The following TSBP1 variants were observed in gnomAD, a reference collection of about 807,000 sequenced individuals.
TSBP1 encodes testis-expressed basic protein 1.
TSBP1 carries 56 observed loss-of-function variants against 68.8 expected under a neutral mutation model. The observed-to-expected ratio is 0.81, with a 90% CI of 0.66 to 1.02. The LOEUF is 1.02. TSBP1 is among the 50% of genes least tolerant of loss of function. The pLI is 0.00. For synonymous variants in TSBP1, 171 were observed against 208.7 expected, an observed-to-expected ratio of 0.82 and a Z score of 1.56; for missense variants, 502 against 641.2, an observed-to-expected ratio of 0.78 and a Z score of 2.34.
chr6:32,349,976 T>C (rs1032637140), intron 8 of TSBP1: 26 of 751,310 alleles, frequency 3.5e-5, no homozygotes, highest in Admixed American at 2.7e-4. Context: ...ACAAGATCTA[T>C]GCAACCTGTC....
chr6:32,338,756 C>T lies in TSBP1; in HGVS notation c.409+223G>A, dbSNP rs1769967846. On this transcript the variant is annotated intron_variant, in intron 11 of 22. Transcript: ENST00000612031. This position sits in a 1 kb window ranked among gnomAD's most constrained non-coding sequence, Gnocchi z 5.5. Reference sequence around the variant, plus strand: ...ACCATTTTTTGTTCTTCACTCTTTTCCCTTTGCTGTTGAATCTCAAGATTT... The same window carrying T: ...ACCATTTTTTGTTCTTCACTCTTTTTCCTTTGCTGTTGAATCTCAAGATTT... Among the ~76,000 whole-genome samples the T allele has an allele frequency of 1.3e-5, 2 of 152,082 alleles. No individual in the cohort carries two copies. The highest frequency in any genetic ancestry group is 6.5e-5 in the Admixed American group (1 of 15,272).
chr6:32,349,698 G>C (rs1168498313), intron 9 of TSBP1, 42 bp downstream of exon 9: 2 of 1,203,624 alleles, frequency 1.7e-6, no homozygotes, highest in Non-Finnish European at 2.5e-6. Context: ...GATTAAATGG[G>C]GCTAAATGTC....
chr6:32,336,614 C>T lies in TSBP1; in HGVS notation c.430+1G>A, dbSNP rs775160108. ...AGTGGAAAAACAAACTTGATACTTACGAATAGGGGCTGTGAATTGCACTGA... is the reference window on the plus strand; with the variant it reads ...AGTGGAAAAACAAACTTGATACTTATGAATAGGGGCTGTGAATTGCACTGA... On this transcript the variant is annotated splice_donor_variant, in intron 12 of 22. Coordinates refer to ENST00000612031, the Ensembl canonical transcript of TSBP1. LOFTEE classifies it high-confidence loss of function. This position sits in a 1 kb window ranked among gnomAD's most constrained non-coding sequence, Gnocchi z 5.2. 6.0e-5 allele frequency: 97 copies of T among 1,611,802 alleles called. No homozygotes were observed. The highest frequency in any genetic ancestry group is 7.7e-5 in the Non-Finnish European group (91 of 1,179,148).
At chr6:32,346,940 C>G (rs1245451386) in intron 9 of TSBP1, among the ~76,000 whole-genome samples, 1 of 151,988 alleles carries the variant, frequency 6.6e-6, no homozygotes, top group Non-Finnish European at 1.5e-5. Context: ...ACATGGTGAT[C>G]GTAGTTAATA....
chr6:32,349,093 C>G (rs552028222), intron 9 of TSBP1, among the ~76,000 whole-genome samples: 1 of 151,984 alleles, frequency 6.6e-6, no homozygotes, highest in Non-Finnish European at 1.5e-5. Flanking sequence ...ACTAAAGAGA[C>G]TTAGAATTTG....
rs1562121375 is a variant in TSBP1, at chr6:32,330,620, G to GA, written c.494-12dup. On this transcript the variant is annotated splice_polypyrimidine_tract_variant and intron_variant, in intron 15 of 22. Transcript: ENST00000612031. ...ATCCAGGATATTGTACTAAAAAATA[G>GA]AAACAAACAAATTAAACACACACAC... 1.3e-6 allele frequency: 2 copies of GA among 1,569,824 alleles called. No homozygotes were observed. Among genetic ancestry groups the GA allele is most frequent in the African/African-American group, 2.9e-5 (2 of 68,982 alleles).
In TSBP1 at chr6:32,365,210, T is replaced by C. The variant is rs568289258; in HGVS notation, c.217+957A>G. 2 of 410,054 alleles carry C rather than the reference T, an allele frequency of 4.9e-6. No homozygotes were observed. Among genetic ancestry groups the C allele is most frequent in the Admixed American group, 2.7e-5 (1 of 36,398 alleles). 25.4% of individuals were successfully genotyped at this position (410,054 alleles called of 1,614,324 possible). A position where few individuals can be genotyped will look rare whatever the true frequency, so the allele number is the denominator to read the frequency against. On this transcript the variant is annotated intron_variant, in intron 6 of 22. Transcript: ENST00000612031. This position sits in a 1 kb window ranked among gnomAD's most constrained non-coding sequence, Gnocchi z 4.3. Reference sequence around the variant, plus strand: ...CCCAGGGTAGATGGGATTTCTAAGATTGTGCTTTCTCTCAATCCTGCAAAG... The same window carrying C: ...CCCAGGGTAGATGGGATTTCTAAGACTGTGCTTTCTCTCAATCCTGCAAAG...
Position 32,365,961 on chromosome 6 carries a change from G to T in TSBP1, c.217+206C>A. ...ACTTTTGTTAAATAATTAGGAGTTG[G>T]ATAGGAGAGGAATTGCATAGCTTTG... On this transcript the variant is annotated intron_variant, in intron 6 of 22. Coordinates refer to ENST00000612031, the Ensembl canonical transcript of TSBP1. The surrounding 1 kb of genome is among the most constrained non-coding windows in gnomAD (Gnocchi z 4.3). The T allele has an allele frequency of 1.4e-6, 1 of 735,036 alleles. No homozygotes were observed. Among genetic ancestry groups the T allele is most frequent in the South Asian group, 1.5e-5 (1 of 67,682 alleles). The allele number at this position is 735,036 out of a possible 1,614,324, so 45.5% of individuals were successfully genotyped here. A position where few individuals can be genotyped will look rare whatever the true frequency, so the allele number is the denominator to read the frequency against.
At position 32,365,317 on chromosome 6, in the gene TSBP1, A is replaced by G; in HGVS notation, c.217+850T>C. On this transcript the variant is annotated intron_variant, in intron 6 of 22. Coordinates refer to ENST00000612031, the Ensembl canonical transcript of TSBP1. This position sits in a 1 kb window ranked among gnomAD's most constrained non-coding sequence, Gnocchi z 4.3. ...TCTCAAGTTTGTGTCCTTTTTTCCAATCCCACAAAGTCAAACTGACTGTGA... is the reference window on the plus strand; with the variant it reads ...TCTCAAGTTTGTGTCCTTTTTTCCAGTCCCACAAAGTCAAACTGACTGTGA... 2.2e-6 allele frequency: 1 copy of G among 456,728 alleles called. No homozygotes were observed. Among genetic ancestry groups the G allele is most frequent in the Non-Finnish European group, 4.4e-6 (1 of 226,974 alleles). The allele number at this position is 456,728 out of a possible 1,614,324, so 28.3% of individuals were successfully genotyped here.
chr6:32,328,252 T>C (rs6457543), intron 16 of TSBP1, among the ~76,000 whole-genome samples: 1 of 151,228 alleles, frequency 6.6e-6, no homozygotes, highest in Non-Finnish European at 1.5e-5. Context: ...TCATTTTTTT[T>C]TGTGTGTGTT....
At position 32,294,418 on chromosome 6, in the gene TSBP1, A is replaced by G. The variant is rs149221344; in HGVS notation, c.638-383T>C. Among the ~76,000 whole-genome samples the G allele has an allele frequency of 2.6e-4, 39 of 152,346 alleles. No individual in the cohort carries two copies. The East Asian group carries it at 7.1e-3, about 28-fold the overall frequency. On this transcript the variant is annotated intron_variant, in intron 22 of 22. Transcript: ENST00000612031. ...TAATTATATTTCTCAAGACAGAAAA[A>G]GGAAACTCAAAAATGCTTTCCATAT...
Position 32,343,994 on chromosome 6 carries a change from C to T in TSBP1, c.350-4356G>A, listed in dbSNP as rs1184108181. ...CCTCACTATATTCAGTGGAGAAAGT[C>T]TGGGCATTAGTCTTATTTGTCTTAC... On this transcript the variant is annotated intron_variant, in intron 9 of 22. Coordinates refer to ENST00000612031, the Ensembl canonical transcript of TSBP1. The surrounding 1 kb of genome is among the most constrained non-coding windows in gnomAD (Gnocchi z 4.3). Among the ~76,000 whole-genome samples the T allele has an allele frequency of 6.6e-6, 1 of 150,636 alleles. No homozygotes were observed. The highest frequency in any genetic ancestry group is 1.5e-5 in the Non-Finnish European group (1 of 68,012).
At chr6:32,348,824 A>G (rs1771359587) in intron 9 of TSBP1, among the ~76,000 whole-genome samples, 1 of 152,014 alleles carries the variant, frequency 6.6e-6, no homozygotes, top group Non-Finnish European at 1.5e-5. Context: ...CTTGTCCCCT[A>G]CTCCCATTCC....
rs1436928195 is a variant in TSBP1 at position 32,304,470 on chromosome 6, T to C, written c.581-1841A>G. The stretch of plus-strand genomic sequence containing the variant: ...TTAAATCTTCTAGGAATATGCTATC[T>C]CTTATTAAGTCAATTTTAACTCCAC... On this transcript the variant is annotated intron_variant, in intron 19 of 22. Transcript: ENST00000612031. The surrounding 1 kb of genome is among the most constrained non-coding windows in gnomAD (Gnocchi z 4.8). Among the ~76,000 whole-genome samples the C allele has an allele frequency of 6.6e-6, 1 of 152,196 alleles. No individual in the cohort carries two copies. Among genetic ancestry groups the C allele is most frequent in the Non-Finnish European group, 1.5e-5 (1 of 68,044 alleles).
intron 9 of TSBP1, among the ~76,000 whole-genome samples, chr6:32,342,756 G>A (rs1375783808): frequency 2.6e-5 from 4 of 152,256 alleles, no homozygotes; most frequent in South Asian, 4.1e-4. Flanking sequence ...GATACGAAGT[G>A]AGCAATAACT....
rs1391381062 is a variant in TSBP1 at position 32,340,451 on chromosome 6, T to A, written c.350-813A>T. On this transcript the variant is annotated intron_variant, in intron 9 of 22. Transcript: ENST00000612031. This position sits in a 1 kb window ranked among gnomAD's most constrained non-coding sequence, Gnocchi z 4.8. ...TCTATGTGGTATTTTAGGCCGTCAA[T>A]CACTGAACTGTCAGTTTCTTGAGAA... 6.6e-6 allele frequency among the ~76,000 whole-genome samples: 1 copy of A among 152,210 alleles called. No individual in the cohort carries two copies. Among genetic ancestry groups the A allele is most frequent in the Non-Finnish European group, 1.5e-5 (1 of 68,032 alleles).
At chr6:32,358,784 T>C (rs1017859086) in intron 6 of TSBP1, among the ~76,000 whole-genome samples, 1 of 152,180 alleles carries the variant, frequency 6.6e-6, no homozygotes, top group African/African-American at 2.4e-5. Flanking sequence ...ATGGTGTATA[T>C]GTGCCACATT....
rs1770608322 is a variant in TSBP1 at position 32,343,471 on chromosome 6, G to A, written c.350-3833C>T. ...AGTGAAAGTTTCAGGGGAATATTCA[G>A]CTTTACTATATTTCCAATATTCTGA... On this transcript the variant is annotated intron_variant, in intron 9 of 22. Coordinates refer to ENST00000612031, the Ensembl canonical transcript of TSBP1. This position sits in a 1 kb window ranked among gnomAD's most constrained non-coding sequence, Gnocchi z 4.3. Among the ~76,000 whole-genome samples the A allele has an allele frequency of 6.6e-6, 1 of 152,120 alleles. No individual in the cohort carries two copies. Among genetic ancestry groups the A allele is most frequent in the Admixed American group, 6.5e-5 (1 of 15,274 alleles).
intron 10 of TSBP1, chr6:32,339,344 A>G: frequency 1.7e-6 from 1 of 599,274 alleles, no homozygotes; most frequent in Non-Finnish European, 3.0e-6. Context: ...AGTCACTTAG[A>G]GGATCTTGAA....
Sources: allele counts gnomAD v4.1 joint callset (sites outside exome capture counted in the v4.1 genomes callset), GRCh38; gene constraint gnomAD v4.1.1; non-coding constraint Gnocchi (gnomAD v3.1); transcripts MANE v1.5; gene names NCBI Gene and HGNC (gene_info 2026-07-23, HGNC 2026-07-21).